The following PRKG1 variants were observed in gnomAD, a reference collection of about 807,000 sequenced individuals.
PRKG1 encodes cGMP-dependent protein kinase 1.
In PRKG1, 35 loss-of-function variants were observed where a neutral mutation model predicts 88.1. The observed-to-expected ratio is 0.40, with a 90% CI of 0.30 to 0.53. The LOEUF (loss-of-function observed/expected upper bound fraction) is 0.53. Among genes scored for constraint, PRKG1 ranks in the 20% least tolerant of loss-of-function variants. The probability of loss-of-function intolerance (pLI) is 0.59; values close to 1 mark genes in which losing one functional copy is unlikely to be tolerated. For synonymous variants in PRKG1, 303 were observed against 292.5 expected, an observed-to-expected ratio of 1.04 and a Z score of -0.37; for missense variants, 540 against 839.8, an observed-to-expected ratio of 0.64 and a Z score of 4.41.
At chr10:51,359,014 G>GTTGAA (rs1842424732) in intron 2 of PRKG1, among the ~76,000 whole-genome samples, 3 of 151,186 alleles carry the variant, frequency 2.0e-5, no homozygotes, top group Middle Eastern at 3.4e-3. Context: ...ATTTAGATCT[G>GTTGAA]TTGAAATGAC....
At chr10:51,798,101 G>A (rs1839065291) in intron 3 of PRKG1, among the ~76,000 whole-genome samples, 1 of 151,984 alleles carries the variant, frequency 6.6e-6, no homozygotes, top group Non-Finnish European at 1.5e-5. Context: ...TAATGCTGTT[G>A]TGAATATTAA....
chr10:51,723,619 A>G (rs1224717817), intron 3 of PRKG1, among the ~76,000 whole-genome samples: 1 of 125,924 alleles, frequency 7.9e-6, no homozygotes, highest in Non-Finnish European at 1.8e-5. Flanking sequence ...AAGCATGACA[A>G]AAAAAAAGAA....
chr10:52,106,705 AAATAATAATAATAATAATAAT>A (rs57109678), intron 7 of PRKG1, among the ~76,000 whole-genome samples: 4 of 140,048 alleles, frequency 2.9e-5, no homozygotes, highest in Non-Finnish European at 4.6e-5. Flanking sequence ...CTCTGTCCCA[AAATAATAATAATAATAATAAT>A]AATAATAATA....
At chr10:51,941,781 A>T (rs1226729273) in intron 5 of PRKG1, among the ~76,000 whole-genome samples, 1 of 151,694 alleles carries the variant, frequency 6.6e-6, no homozygotes, top group Non-Finnish European at 1.5e-5. Context: ...AAGGACATGA[A>T]CTCATCCTTT....
At chr10:51,479,790 GTCTT>G (rs71029372) in intron 3 of PRKG1, among the ~76,000 whole-genome samples, 27,318 of 151,718 alleles carry the variant, frequency 0.18, 3,874 homozygotes, top group East Asian at 0.72. Flanking sequence ...GAGAATTGGT[GTCTT>G]TCTAAAGATA....
At chr10:51,326,350 G>A (rs1425912238) in intron 2 of PRKG1, among the ~76,000 whole-genome samples, 1 of 152,170 alleles carries the variant, frequency 6.6e-6, no homozygotes, top group Non-Finnish European at 1.5e-5. Flanking sequence ...GGAGTTATAG[G>A]TTTATCAGCA....
At chr10:51,507,162 GA>G (rs1841239589) in intron 3 of PRKG1, among the ~76,000 whole-genome samples, 2 of 139,188 alleles carry the variant, frequency 1.4e-5, no homozygotes. Context: ...GGAGTAGGGG[GA>G]GGGGGGAGGG....
At chr10:51,866,212 T>C (rs1342883845) in intron 4 of PRKG1, among the ~76,000 whole-genome samples, 1 of 152,080 alleles carries the variant, frequency 6.6e-6, no homozygotes, top group Non-Finnish European at 1.5e-5. Flanking sequence ...TCATTATTCA[T>C]TTAAATATGA....
At chr10:51,570,065 A>G (rs867380737) in intron 3 of PRKG1, among the ~76,000 whole-genome samples, 17 of 145,116 alleles carry the variant, frequency 1.2e-4, no homozygotes, top group African/African-American at 3.7e-4. Context: ...ATATATATAT[A>G]TATGTGTGTG....
chr10:52,194,145 C>T (rs181746485), intron 9 of PRKG1, among the ~76,000 whole-genome samples: 46 of 152,070 alleles, frequency 3.0e-4, no homozygotes, highest in African/African-American at 9.6e-4. Context: ...GAAAACAAAA[C>T]ACCCCCAAGA....
At chr10:51,162,147 G>C (rs1370594424) in intron 2 of PRKG1, among the ~76,000 whole-genome samples, 1 of 152,108 alleles carries the variant, frequency 6.6e-6, no homozygotes, top group Middle Eastern at 3.2e-3. Flanking sequence ...TTTAGTAATT[G>C]TTTTGGCACA....
At chr10:51,251,524 T>C (rs1423809404) in intron 2 of PRKG1, among the ~76,000 whole-genome samples, 1 of 151,842 alleles carries the variant, frequency 6.6e-6, no homozygotes, top group African/African-American at 2.4e-5. Flanking sequence ...ATTAAGGTCA[T>C]TAAAGACCCT....
intron 9 of PRKG1, among the ~76,000 whole-genome samples, chr10:52,194,084 T>C (rs1241054130): frequency 6.6e-6 from 1 of 152,162 alleles, no homozygotes; most frequent in East Asian, 1.9e-4. Context: ...TTTTGTTGTT[T>C]TATTTTACAT....
intron 5 of PRKG1, among the ~76,000 whole-genome samples, chr10:51,958,401 T>C (rs1471588260): frequency 6.6e-6 from 1 of 152,044 alleles, no homozygotes; most frequent in East Asian, 1.9e-4. Context: ...TGTGTAGATG[T>C]GTTTTGGAAC....
rs142412451 is a variant in PRKG1, at chr10:51,877,348, C to G, written c.699-30159C>G. On this transcript the variant is annotated intron_variant, in intron 4 of 17. Coordinates refer to ENST00000373980, the MANE Select transcript of PRKG1 (RefSeq NM_006258.4). The stretch of plus-strand genomic sequence containing the variant: ...AAACAACTTTAAACAACCCGATAAG[C>G]TTTATTTTCAGATTTTTTTTGGTAG... Among the ~76,000 whole-genome samples the G allele has an allele frequency of 6.4e-3, 975 of 152,202 alleles. 11 individuals are homozygous for G. The highest frequency in any genetic ancestry group is 0.02 in the South Asian group (98 of 4,828).
intron 2 of PRKG1, among the ~76,000 whole-genome samples, chr10:51,279,399 T>C (rs2132197075): frequency 6.6e-6 from 1 of 152,268 alleles, no homozygotes; most frequent in Admixed American, 6.5e-5. Flanking sequence ...TTGGAATAAG[T>C]GTGATGTGAT....
chr10:52,064,641 A>AG (rs1445171006), intron 7 of PRKG1, among the ~76,000 whole-genome samples: 1 of 152,298 alleles, frequency 6.6e-6, no homozygotes, highest in East Asian at 1.9e-4. Flanking sequence ...CCTGGAAGAC[A>AG]GGGCTCCTGC....
chr10:51,134,844 A>G (rs1845652104), intron 1 of PRKG1, among the ~76,000 whole-genome samples: 2 of 152,174 alleles, frequency 1.3e-5, no homozygotes, highest in South Asian at 4.1e-4. Flanking sequence ...CTCATAAACT[A>G]CTGAAAAAAT....
chr10:51,860,328 T>C (rs1840839926), intron 4 of PRKG1, among the ~76,000 whole-genome samples: 1 of 152,212 alleles, frequency 6.6e-6, no homozygotes, highest in Non-Finnish European at 1.5e-5. Flanking sequence ...CAAGCTAGGA[T>C]CCAGCCTGAA....
Sources: gnomAD v4.1 joint callset for allele counts (sites outside exome capture counted in the v4.1 genomes callset) on GRCh38, gnomAD v4.1.1 for gene constraint, MANE v1.5 for transcripts, NCBI Gene and HGNC (gene_info 2026-07-23, HGNC 2026-07-21) for gene names.